Variants in ADAMTSL1 observed in about 807,000 individuals in gnomAD.
The protein encoded by ADAMTSL1 is ADAMTS-like protein 1.
In ADAMTSL1, 126 loss-of-function variants were observed where a neutral mutation model predicts 201.8. The observed-to-expected ratio is 0.62, with a 90% CI of 0.54 to 0.72. The LOEUF is 0.72. Among genes scored for constraint, ADAMTSL1 ranks in the 30% least tolerant of loss-of-function variants. The pLI is 0.00. For synonymous variants in ADAMTSL1, 1,121 were observed against 903.4 expected (o/e 1.24, Z -4.32); for missense variants, 2,679 against 2,277.8 (o/e 1.18, Z -3.59).
chr9:18,373,035 T>G (rs975903335), intron 2 of ADAMTSL1, among the ~76,000 whole-genome samples: 1 of 152,198 alleles, frequency 6.6e-6, no homozygotes, highest in African/African-American at 2.4e-5. Context: ...GCTAGCCGCA[T>G]GATCCTTAGG....
chr9:18,908,228 G>C, intron 28 of ADAMTSL1: 1 of 573,016 alleles, frequency 1.7e-6, no homozygotes, highest in Non-Finnish European at 3.2e-6. Context: ...CAGCCAGACA[G>C]CTGCAGGCTG....
At chr9:18,246,033 A>C (rs918660623) in intron 2 of ADAMTSL1, among the ~76,000 whole-genome samples, 3 of 152,210 alleles carry the variant, frequency 2.0e-5, no homozygotes, top group African/African-American at 7.2e-5. Flanking sequence ...ATTTCATCCT[A>C]TGTCCCTCTA....
chr9:18,292,657 G>A (rs1361632145), intron 2 of ADAMTSL1, among the ~76,000 whole-genome samples: 1 of 152,048 alleles, frequency 6.6e-6, no homozygotes, highest in Non-Finnish European at 1.5e-5. Flanking sequence ...ATCTTTCCCC[G>A]GTGCTGGATG....
intron 2 of ADAMTSL1, among the ~76,000 whole-genome samples, chr9:18,342,161 T>C (rs924287891): frequency 6.6e-6 from 1 of 152,180 alleles, no homozygotes; most frequent in Non-Finnish European, 1.5e-5. Flanking sequence ...CCAGTGTCTA[T>C]ACGTGGGGCT....
chr9:18,025,962 A>G (rs953144001), intron 1 of ADAMTSL1, among the ~76,000 whole-genome samples: 1 of 151,940 alleles, frequency 6.6e-6, no homozygotes, highest in African/African-American at 2.4e-5. Context: ...TGTAGAGATC[A>G]TTCACCTCCT....
chr9:18,387,292 T>C (rs562911748), intron 2 of ADAMTSL1, among the ~76,000 whole-genome samples: 75 of 152,178 alleles, frequency 4.9e-4, no homozygotes, highest in African/African-American at 1.8e-3. Context: ...TGTGTGCCCA[T>C]TGCCAAGTTT....
chr9:18,829,604 C>A (rs1396325822), intron 22 of ADAMTSL1, among the ~76,000 whole-genome samples: 4 of 152,124 alleles, frequency 2.6e-5, no homozygotes, highest in Admixed American at 6.5e-5. Flanking sequence ...ACTTGGTATG[C>A]CTGCTTCTTC....
rs962351918 is a variant in ADAMTSL1, at chr9:18,375,896, A to C, written c.208-128933A>C. On this transcript the variant is annotated intron_variant, in intron 2 of 29. Coordinates refer to the ADAMTSL1 transcript ENST00000680146. ...CCATTTTACAAACCTCTAGCTAGCC[A>C]CAGAGTGCTGATTGGTGTGTTTTTA... Among the ~76,000 whole-genome samples the C allele has an allele frequency of 2.6e-5, 4 of 152,224 alleles. No homozygotes were observed. The South Asian group carries it at 6.2e-4, about 24-fold the overall frequency.
intron 2 of ADAMTSL1, among the ~76,000 whole-genome samples, chr9:18,313,159 G>A (rs887079838): frequency 1.4e-4 from 22 of 152,208 alleles, no homozygotes; most frequent in Admixed American, 2.0e-4. Context: ...TAGGTATGGG[G>A]TAAGGCCCAA....
chr9:17,964,656 C>T (rs2131408033), intron 1 of ADAMTSL1, among the ~76,000 whole-genome samples: 1 of 152,144 alleles, frequency 6.6e-6, no homozygotes. Flanking sequence ...ATGTTAATAT[C>T]TTTGTTATGC....
chr9:18,760,429 T>C (rs1308830706), intron 16 of ADAMTSL1, among the ~76,000 whole-genome samples: 18 of 152,296 alleles, frequency 1.2e-4, no homozygotes, highest in South Asian at 1.0e-3. Flanking sequence ...CTTTAAAATA[T>C]AAATATGCAT....
chr9:18,544,891 CT>C (rs1295721272), intron 3 of ADAMTSL1, among the ~76,000 whole-genome samples: 2 of 152,202 alleles, frequency 1.3e-5, no homozygotes, highest in Non-Finnish European at 2.9e-5. Flanking sequence ...AACAGCTCAA[CT>C]TTCAACTGAT....
Position 18,660,522 on chromosome 9 carries a change from A to G in ADAMTSL1, c.947-1413A>G, listed in dbSNP as rs71506892. On this transcript the variant is annotated intron_variant, in intron 8 of 28. Coordinates refer to ENST00000380548, the MANE Select transcript of ADAMTSL1 (RefSeq NM_001040272.6). ...CAAATTTTGATTTTGAAGAATAATCATCTCAGATTAATAATTTACTGCATT... is the reference window on the plus strand; with the variant it reads ...CAAATTTTGATTTTGAAGAATAATCGTCTCAGATTAATAATTTACTGCATT... 6.2e-3 allele frequency among the ~76,000 whole-genome samples: 947 copies of G among 152,352 alleles called. 6 individuals carry two copies. Among genetic ancestry groups the G allele is most frequent in the Non-Finnish European group, 9.5e-3 (648 of 68,030 alleles).
intron 2 of ADAMTSL1, among the ~76,000 whole-genome samples, chr9:18,300,449 T>A (rs4397506): frequency 7.6e-6 from 1 of 131,932 alleles, no homozygotes; most frequent in Admixed American, 7.4e-5. Context: ...CATCACACAC[T>A]GGGGCCTGTC....
intron 1 of ADAMTSL1, among the ~76,000 whole-genome samples, chr9:18,486,994 G>T (rs768049957): frequency 6.6e-5 from 10 of 152,110 alleles, no homozygotes; most frequent in Non-Finnish European, 1.3e-4. Context: ...GGCATCACAC[G>T]TGAAGTTCCC....
chr9:17,991,840 T>C (rs1819164440), intron 1 of ADAMTSL1, among the ~76,000 whole-genome samples: 1 of 152,148 alleles, frequency 6.6e-6, no homozygotes, highest in African/African-American at 2.4e-5. Flanking sequence ...AGCCAACTCA[T>C]GAGGATTTCT....
At chr9:18,787,450 A>G (rs1361698661) in intron 19 of ADAMTSL1, among the ~76,000 whole-genome samples, 1 of 152,096 alleles carries the variant, frequency 6.6e-6, no homozygotes, top group African/African-American at 2.4e-5. Context: ...GGATCTCCAG[A>G]GATCCCCCTA....
chr9:18,530,541 C>T (rs1306173045), intron 2 of ADAMTSL1, among the ~76,000 whole-genome samples: 4 of 152,204 alleles, frequency 2.6e-5, no homozygotes, highest in African/African-American at 9.6e-5. Flanking sequence ...AACCCTAAAT[C>T]CCCCGAAAAC....
At chr9:18,294,971 C>A (rs545718743) in intron 2 of ADAMTSL1, among the ~76,000 whole-genome samples, 1 of 152,084 alleles carries the variant, frequency 6.6e-6, no homozygotes, top group East Asian at 1.9e-4. Context: ...TTTCTCCCTT[C>A]CTCTTATCAG....
Sources: allele counts gnomAD v4.1 joint callset (sites outside exome capture counted in the v4.1 genomes callset), GRCh38; gene constraint gnomAD v4.1.1; transcripts MANE v1.5; gene names NCBI Gene and HGNC (gene_info 2026-07-23, HGNC 2026-07-21).